Variants in C8orf74 observed in about 807,000 individuals in gnomAD.
C8orf74 encodes the protein uncharacterized protein C8orf74.
In C8orf74, 29 loss-of-function variants were observed where a neutral mutation model predicts 22.2. That is an observed-to-expected ratio of 1.31 (90% CI 0.97 to 1.78). C8orf74 has a LOEUF of 1.78. Among genes scored for constraint, C8orf74 ranks in the 40% most tolerant of loss-of-function variants. C8orf74 has a pLI of 0.00. For missense variants in C8orf74, 515 were observed against 369.9 expected (o/e 1.39, Z -3.22); for synonymous variants, 255 against 163.1 (o/e 1.56, Z -4.30).
chr8:10,686,001 G>A (rs1799254967), intron 2 of C8orf74, among the ~76,000 whole-genome samples: 1 of 152,188 alleles, frequency 6.6e-6, no homozygotes, highest in African/African-American at 2.4e-5. Flanking sequence ...CCCGGGAGGT[G>A]GAGGTTGCAG....
intron 2 of C8orf74, among the ~76,000 whole-genome samples, chr8:10,690,391 G>C (rs938938145): frequency 6.6e-6 from 1 of 152,120 alleles, no homozygotes; most frequent in African/African-American, 2.4e-5. Flanking sequence ...GTCTCCCCAG[G>C]AGCACAAAGG....
chr8:10,697,981 G>A lies in C8orf74; in HGVS notation c.624G>A (p.Gln208=). Residue 208 remains glutamine, a synonymous_variant, in exon 3 of 4, where the codon CAG becomes CAA. Coordinates refer to ENST00000304519, the MANE Select transcript of C8orf74 (RefSeq NM_001040032.2). The part of the protein sequence containing the change: ...QKAFAAAAPA[Q]PGQVLERQEL... The stretch of plus-strand genomic sequence containing the variant: ...CGTTCGCTGCCGCCGCGCCTGCGCA[G>A]CCCGGCCAGGTCCTGGAGAGACAGG... 6.6e-7 allele frequency: 1 copy of A among 1,505,238 alleles called. No individual in the cohort carries two copies. Among genetic ancestry groups the A allele is most frequent in the Non-Finnish European group, 8.9e-7 (1 of 1,129,566 alleles). 93.2% of individuals were successfully genotyped at this position (1,505,238 alleles called of 1,614,324 possible).
At chr8:10,680,818 C>T (rs1448904236) in intron 2 of C8orf74, among the ~76,000 whole-genome samples, 2 of 152,160 alleles carry the variant, frequency 1.3e-5, no homozygotes, top group African/African-American at 4.8e-5. Context: ...CAAGTCAGGT[C>T]CCTGGCACAT....
intron 3 of C8orf74, among the ~76,000 whole-genome samples, chr8:10,698,374 C>G (rs551250016): frequency 6.6e-6 from 1 of 152,154 alleles, no homozygotes; most frequent in African/African-American, 2.4e-5. Flanking sequence ...AGCTTTGGAA[C>G]TGCTGCAGAT....
Position 10,697,926 on chromosome 8 carries a change from G to C in C8orf74, c.569G>C (p.Arg190Pro). The C allele has an allele frequency of 6.3e-7, 1 of 1,594,858 alleles. No individual in the cohort carries two copies. Among genetic ancestry groups the C allele is most frequent in the Non-Finnish European group, 8.5e-7 (1 of 1,171,108 alleles). The stretch of plus-strand genomic sequence containing the variant: ...GTGCTGCTCCTGAAAGAGGCGCTGC[G>C]CCTGGAGCGGGAGAACTCGCTGCAG... The part of the protein sequence containing the change: ...ADVLLLKEAL[R>P]LERENSLQKA... The change falls in exon 3 of 4, where the codon CGC becomes CCC. Residue 190 changes from arginine to proline, a missense_variant. By Grantham distance (103) the Arg-to-Pro change is moderately radical. Coordinates refer to ENST00000304519, the MANE Select transcript of C8orf74 (RefSeq NM_001040032.2).
chr8:10,695,213 T>G (rs1275599576), intron 2 of C8orf74, among the ~76,000 whole-genome samples: 1 of 152,206 alleles, frequency 6.6e-6, no homozygotes, highest in Non-Finnish European at 1.5e-5. Flanking sequence ...TTACCCCATT[T>G]GACCCTTCCA....
intron 2 of C8orf74, among the ~76,000 whole-genome samples, chr8:10,683,088 C>A (rs934048939): frequency 1.3e-5 from 2 of 152,234 alleles, no homozygotes; most frequent in African/African-American, 4.8e-5. Flanking sequence ...TGCAGGAAGG[C>A]CTGAGAAGCA....
chr8:10,681,996 C>T (rs962426995), intron 2 of C8orf74, among the ~76,000 whole-genome samples: 2 of 152,242 alleles, frequency 1.3e-5, no homozygotes, highest in African/African-American at 4.8e-5. Context: ...CTTCCAAGCT[C>T]CTGGCATGAC....
intron 2 of C8orf74, among the ~76,000 whole-genome samples, chr8:10,694,995 G>C (rs1337238233): frequency 6.6e-6 from 1 of 151,660 alleles, no homozygotes; most frequent in African/African-American, 2.4e-5. Context: ...TAAGTGGAAG[G>C]ATGATGGATG....
At chr8:10,687,735 A>G (rs981247343) in intron 2 of C8orf74, among the ~76,000 whole-genome samples, 3 of 152,056 alleles carry the variant, frequency 2.0e-5, no homozygotes, top group Admixed American at 2.0e-4. Context: ...TTTTATCATC[A>G]TTGCACAAAT....
chr8:10,696,846 T>C (rs962236238), intron 2 of C8orf74, among the ~76,000 whole-genome samples: 3 of 151,404 alleles, frequency 2.0e-5, no homozygotes, highest in African/African-American at 7.3e-5. Context: ...CGAAAGTAAC[T>C]CTTTAAAACA....
intron 2 of C8orf74, among the ~76,000 whole-genome samples, chr8:10,678,480 C>T (rs533279243): frequency 2.0e-4 from 30 of 152,064 alleles, no homozygotes; most frequent in Middle Eastern, 3.4e-3. Context: ...CTAGCAAGGA[C>T]GAGGCCCAGT....
At chr8:10,693,372 C>G (rs1371743898) in intron 2 of C8orf74, among the ~76,000 whole-genome samples, 1 of 152,204 alleles carries the variant, frequency 6.6e-6, no homozygotes, top group Non-Finnish European at 1.5e-5. Context: ...GCTGCCAACC[C>G]CACACAGCCT....
At chr8:10,695,879 G>A (rs552826867) in intron 2 of C8orf74, among the ~76,000 whole-genome samples, 1 of 152,152 alleles carries the variant, frequency 6.6e-6, no homozygotes, top group Admixed American at 6.5e-5. Flanking sequence ...GTCGGCAGAA[G>A]GAACTGTGGA....
chr8:10,673,156 A>G (rs1331823889), intron 1 of C8orf74, among the ~76,000 whole-genome samples: 1 of 152,104 alleles, frequency 6.6e-6, no homozygotes, highest in African/African-American at 2.4e-5. Context: ...TAAGGCCACC[A>G]TTGGTCCTCC....
chr8:10,698,919 ACAC>A (rs1799592108), intron 3 of C8orf74, among the ~76,000 whole-genome samples: 2 of 150,954 alleles, frequency 1.3e-5, no homozygotes, highest in African/African-American at 4.9e-5. Flanking sequence ...ACACACACAC[ACAC>A]ACACACACAC....
intron 2 of C8orf74, among the ~76,000 whole-genome samples, chr8:10,682,073 C>T (rs1357173682): frequency 1.3e-5 from 2 of 152,212 alleles, no homozygotes; most frequent in Non-Finnish European, 2.9e-5. Flanking sequence ...ACCCCGCCCT[C>T]ACATCGGGGA....
chr8:10,682,280 G>A (rs1379021933), intron 2 of C8orf74, among the ~76,000 whole-genome samples: 1 of 152,226 alleles, frequency 6.6e-6, no homozygotes, highest in Non-Finnish European at 1.5e-5. Context: ...GATCTTAGAG[G>A]AGCATTTCTT....
intron 2 of C8orf74, among the ~76,000 whole-genome samples, chr8:10,683,969 A>T (rs1358440055): frequency 1.3e-5 from 2 of 152,168 alleles, no homozygotes; most frequent in Non-Finnish European, 2.9e-5. Context: ...GCCCAGAGTG[A>T]GCCCAAATCC....
Sources: allele counts gnomAD v4.1 joint callset (sites outside exome capture counted in the v4.1 genomes callset), GRCh38; gene constraint gnomAD v4.1.1; transcripts MANE v1.5; gene names NCBI Gene and HGNC (gene_info 2026-07-23, HGNC 2026-07-21).